Variants in RBMS1 observed in about 807,000 individuals in gnomAD.
RBMS1 encodes RNA binding motif single stranded interacting protein 1.
In RBMS1, 17 loss-of-function variants were observed where a neutral mutation model predicts 62.3. The observed-to-expected ratio is 0.27, with a 90% CI of 0.19 to 0.41. The LOEUF is 0.41. Ranked by LOEUF, RBMS1 falls within the 10% of genes least tolerant of loss-of-function variation. The pLI, the probability that RBMS1 is intolerant of heterozygous loss-of-function variation, is 1.00. For missense variants in RBMS1, 334 were observed against 504.5 expected, an observed-to-expected ratio of 0.66 and a Z score of 3.24; for synonymous variants, 172 against 170.0, an observed-to-expected ratio of 1.01 and a Z score of -0.09.
intron 1 of RBMS1, among the ~76,000 whole-genome samples, chr2:160,450,790 C>T (rs182248618): frequency 4.6e-5 from 7 of 152,196 alleles, no homozygotes; most frequent in Admixed American, 4.6e-4. Flanking sequence ...TATTTTGAAA[C>T]TTGTGTTGAC....
rs1025230291 is a variant in RBMS1, at chr2:160,493,476, G to GGCTGCT, written c.-119_-114dup. On this transcript the variant is annotated 5_prime_UTR_variant, in exon 1 of 14. Transcript: ENST00000348849. ...CGGCGGCAGCGGCGGCGGCGGCGGC[G>GGCTGCT]GCTGCTGCTGCTGCCGCTGCTCCAC... The GGCTGCT allele has an allele frequency of 4.8e-5, 42 of 873,248 alleles. No individual in the cohort carries two copies. The highest frequency in any genetic ancestry group is 4.4e-4 in the African/African-American group (26 of 58,648). 54.1% of individuals were successfully genotyped at this position (873,248 alleles called of 1,614,324 possible).
chr2:160,438,528 C>T (rs371163906), intron 1 of RBMS1, among the ~76,000 whole-genome samples: 3 of 152,206 alleles, frequency 2.0e-5, no homozygotes, highest in Admixed American at 6.5e-5. Flanking sequence ...TTAATCCATT[C>T]AACCCTGAGT....
chr2:160,409,305 T>C (rs1221653683), intron 1 of RBMS1, among the ~76,000 whole-genome samples: 2 of 150,858 alleles, frequency 1.3e-5, no homozygotes, highest in Non-Finnish European at 1.5e-5. Flanking sequence ...GCAAAGTAAC[T>C]TATTCTGGGC....
At chr2:160,429,867 C>T (rs1682816592) in intron 1 of RBMS1, among the ~76,000 whole-genome samples, 1 of 152,222 alleles carries the variant, frequency 6.6e-6, no homozygotes, top group Non-Finnish European at 1.5e-5. Flanking sequence ...TTTCACCTCT[C>T]CTTGCCTAAG....
At chr2:160,427,220 T>C (rs1299861084) in intron 1 of RBMS1, among the ~76,000 whole-genome samples, 5 of 152,224 alleles carry the variant, frequency 3.3e-5, no homozygotes, top group African/African-American at 1.2e-4. Flanking sequence ...AACATTTTCC[T>C]TCTTTAAAAT....
chr2:160,461,289 GAGAA>G (rs1684454953), intron 1 of RBMS1, among the ~76,000 whole-genome samples: 1 of 152,000 alleles, frequency 6.6e-6, no homozygotes, highest in South Asian at 2.1e-4. Context: ...GAAAGAAAGA[GAGAA>G]AGAGAAAAGA....
intron 1 of RBMS1, among the ~76,000 whole-genome samples, chr2:160,383,462 G>A (rs1020153917): frequency 6.8e-6 from 1 of 147,516 alleles, no homozygotes; most frequent in Non-Finnish European, 1.5e-5. Context: ...TTGGGGGGGG[G>A]GGAACTGACC....
At chr2:160,375,198 T>G (rs1176932721) in intron 1 of RBMS1, among the ~76,000 whole-genome samples, 1 of 152,204 alleles carries the variant, frequency 6.6e-6, no homozygotes. Flanking sequence ...CTTGTCTGTC[T>G]GCCAAATAGA....
At chr2:160,311,554 C>T (rs944138877) in intron 4 of RBMS1, among the ~76,000 whole-genome samples, 1 of 151,966 alleles carries the variant, frequency 6.6e-6, no homozygotes, top group Non-Finnish European at 1.5e-5. Context: ...GGAACAATTA[C>T]GTGCTACAAT....
chr2:160,311,244 A>ATCTATATATCTATATATC (rs1202404841), intron 4 of RBMS1, among the ~76,000 whole-genome samples: 18 of 88,902 alleles, frequency 2.0e-4, no homozygotes, highest in Middle Eastern at 5.2e-3. Flanking sequence ...ATATATATAT[A>ATCTATATATCTATATATC]TATATATATA....
At chr2:160,347,085 A>C (rs1692227525) in intron 2 of RBMS1, among the ~76,000 whole-genome samples, 1 of 152,106 alleles carries the variant, frequency 6.6e-6, no homozygotes, top group Non-Finnish European at 1.5e-5. Flanking sequence ...GTAAGAAATG[A>C]ATATCAGAAA....
intron 7 of RBMS1, 75 bp from the exon 8 acceptor site, chr2:160,285,119 T>G: frequency 7.0e-7 from 1 of 1,428,116 alleles, no homozygotes; most frequent in East Asian, 2.3e-5. Flanking sequence ...TAGCCAGGTG[T>G]GGTGGTGTGC....
chr2:160,368,969 C>A (rs1693575240), intron 1 of RBMS1, among the ~76,000 whole-genome samples: 1 of 152,110 alleles, frequency 6.6e-6, no homozygotes, highest in Non-Finnish European at 1.5e-5. Context: ...ACCATTTTTT[C>A]TGGTCCTATA....
At chr2:160,491,721 G>A (rs1292759340) in intron 1 of RBMS1, among the ~76,000 whole-genome samples, 1 of 152,114 alleles carries the variant, frequency 6.6e-6, no homozygotes, top group South Asian at 2.1e-4. Context: ...ATTTAAACAA[G>A]TGCATTAAAT....
rs373339235 is a variant in RBMS1, at chr2:160,275,735, TG to T, written c.1144-22del. 628 of 1,613,510 alleles carry T rather than the reference TG, an allele frequency of 3.9e-4. 6 individuals are homozygous for T. In the East Asian group the frequency reaches 0.011, roughly 29 times the overall value. ...GCCTCCTACAACAAACAAAGCAGAA[TG>T]GATGAGACATGTTAGTGAAAAAACC... On this transcript the variant is annotated intron_variant, in intron 12 of 13. Transcript: ENST00000348849.
intron 9 of RBMS1, chr2:160,282,419 A>G (rs2105932605): frequency 1.2e-6 from 1 of 815,078 alleles, no homozygotes; most frequent in Middle Eastern, 2.8e-4. Flanking sequence ...CTCAAATCCA[A>G]TTGCATAAGC....
At position 160,340,309 on chromosome 2, in the gene RBMS1, T is replaced by TA. The variant is rs1006490744; in HGVS notation, c.252-22083dup. Among the ~76,000 whole-genome samples, 19 of 152,298 alleles carry TA rather than the reference T, an allele frequency of 1.2e-4. 1 individual carries two copies. Among genetic ancestry groups the TA allele is most frequent in the African/African-American group, 4.6e-4 (19 of 41,572 alleles). On this transcript the variant is annotated intron_variant, in intron 2 of 13. Coordinates refer to ENST00000348849, the MANE Select transcript of RBMS1 (RefSeq NM_016836.4). Reference sequence around the variant, plus strand: ...TTCTGCTCAATTCCAGTGACAGCTTTAAAAAGAGACATCTTTGAGTTTATC... The same window carrying TA: ...TTCTGCTCAATTCCAGTGACAGCTTTAAAAAAGAGACATCTTTGAGTTTATC...
chr2:160,342,501 C>G (rs1245346801), intron 2 of RBMS1, among the ~76,000 whole-genome samples: 1 of 151,980 alleles, frequency 6.6e-6, no homozygotes, highest in Non-Finnish European at 1.5e-5. Context: ...AGGCACATAT[C>G]AAGTTAGCAT....
chr2:160,336,334 T>C (rs1691566544), intron 2 of RBMS1, among the ~76,000 whole-genome samples: 1 of 152,160 alleles, frequency 6.6e-6, no homozygotes, highest in African/African-American at 2.4e-5. Context: ...AACTGCAGAA[T>C]AGCCACAGAG....
Sources: gnomAD v4.1 joint callset for allele counts (sites outside exome capture counted in the v4.1 genomes callset) on GRCh38, gnomAD v4.1.1 for gene constraint, MANE v1.5 for transcripts, NCBI Gene and HGNC (gene_info 2026-07-23, HGNC 2026-07-21) for gene names.